Variants in HS3ST4 observed in about 807,000 individuals in gnomAD.
HS3ST4 encodes the protein heparan sulfate glucosamine 3-O-sulfotransferase 4.
HS3ST4 carries 17 observed loss-of-function variants against 29.2 expected under a neutral mutation model. The observed-to-expected ratio is 0.58, with a 90% CI of 0.40 to 0.87. The LOEUF (loss-of-function observed/expected upper bound fraction) is 0.87, where lower values mean the gene tolerates loss of function less well. HS3ST4 is among the 40% of genes least tolerant of loss of function. The pLI is 0.00. For synonymous variants in HS3ST4, 314 were observed against 285.7 expected (o/e 1.10, Z -1.00); for missense variants, 627 against 634.5 (o/e 0.99, Z 0.13).
intron 1 of HS3ST4, among the ~76,000 whole-genome samples, chr16:26,114,892 A>G (rs542590953): frequency 6.6e-6 from 1 of 152,210 alleles, no homozygotes; most frequent in East Asian, 1.9e-4. Context: ...TTAGGGAAAT[A>G]CTCAAGAAAA....
At chr16:25,990,967 GCAGTCAGC>G (rs1024446089) in intron 1 of HS3ST4, among the ~76,000 whole-genome samples, 9 of 152,230 alleles carry the variant, frequency 5.9e-5, no homozygotes, top group Admixed American at 2.6e-4. Flanking sequence ...TACAAAACCT[GCAGTCAGC>G]TCACCCCCAG....
chr16:25,834,666 C>G (rs554967367), intron 1 of HS3ST4, among the ~76,000 whole-genome samples: 4 of 152,174 alleles, frequency 2.6e-5, no homozygotes, highest in East Asian at 1.9e-4. Flanking sequence ...GAGGAGAAGG[C>G]CAGGCGTGGT....
chr16:26,136,680 A>G lies in HS3ST4; in HGVS notation c.*432A>G, dbSNP rs1011315388. ...TATCTGTCATGGGCACCTGCTGTCT[A>G]AACCTCTGCTTGGGCTTCTCCCCAG... On this transcript the variant is annotated 3_prime_UTR_variant, in exon 2 of 2. Transcript: ENST00000331351. 1 of 178,172 alleles carries G rather than the reference A, an allele frequency of 5.6e-6. No individual in the cohort carries two copies. The highest frequency in any genetic ancestry group is 1.2e-5 in the Non-Finnish European group (1 of 82,734). The allele number at this position is 178,172 out of a possible 1,614,324, so 11.0% of individuals were successfully genotyped here. A position where few individuals can be genotyped will look rare whatever the true frequency, so the allele number is the denominator to read the frequency against.
intron 1 of HS3ST4, among the ~76,000 whole-genome samples, chr16:25,856,578 C>T (rs1567256611): frequency 6.6e-6 from 1 of 151,952 alleles, no homozygotes. Flanking sequence ...CTTCCTGGGC[C>T]ACAATGGAAG....
chr16:25,818,542 CT>C (rs889739360), intron 1 of HS3ST4, among the ~76,000 whole-genome samples: 2 of 152,146 alleles, frequency 1.3e-5, no homozygotes, highest in African/African-American at 4.8e-5. Context: ...AAAACATCTT[CT>C]TTTTTGGCTT....
At chr16:26,024,628 A>G (rs924758829) in intron 1 of HS3ST4, among the ~76,000 whole-genome samples, 1 of 152,116 alleles carries the variant, frequency 6.6e-6, no homozygotes, top group African/African-American at 2.4e-5. Context: ...GCTACTCGGG[A>G]GGCTGAGGCA....
intron 1 of HS3ST4, among the ~76,000 whole-genome samples, chr16:25,998,258 G>A (rs890444681): frequency 3.3e-5 from 5 of 150,846 alleles, no homozygotes; most frequent in African/African-American, 1.2e-4. Flanking sequence ...TCCAGCCTGG[G>A]CAACAAAGCA....
chr16:25,939,982 G>T (rs1036855356), intron 1 of HS3ST4, among the ~76,000 whole-genome samples: 8 of 152,126 alleles, frequency 5.3e-5, no homozygotes, highest in Non-Finnish European at 1.2e-4. Context: ...TACGTGGGAT[G>T]GTAGGTAGGT....
At chr16:26,056,447 C>G (rs1898409240) in intron 1 of HS3ST4, among the ~76,000 whole-genome samples, 1 of 152,186 alleles carries the variant, frequency 6.6e-6, no homozygotes, top group African/African-American at 2.4e-5. Flanking sequence ...AGTCTCTGAG[C>G]TGAGGACTGG....
chr16:25,794,080 A>C (rs1238580261), intron 1 of HS3ST4, among the ~76,000 whole-genome samples: 1 of 151,798 alleles, frequency 6.6e-6, no homozygotes, highest in South Asian at 2.1e-4. Flanking sequence ...AATTTACGCT[A>C]TTTCTCTTCT....
chr16:25,890,627 A>G (rs1967998649), intron 1 of HS3ST4, among the ~76,000 whole-genome samples: 2 of 152,196 alleles, frequency 1.3e-5, no homozygotes, highest in African/African-American at 4.8e-5. Flanking sequence ...CATGGAATCT[A>G]TGATCTATCT....
intron 1 of HS3ST4, among the ~76,000 whole-genome samples, chr16:25,776,160 G>T (rs1036582789): frequency 1.3e-5 from 2 of 152,116 alleles, no homozygotes; most frequent in African/African-American, 4.8e-5. Flanking sequence ...TAGCAATGTA[G>T]GAACATGAGG....
At chr16:26,111,028 A>AT (rs910006775) in intron 1 of HS3ST4, among the ~76,000 whole-genome samples, 73 of 150,518 alleles carry the variant, frequency 4.8e-4, no homozygotes, top group African/African-American at 1.7e-3. Flanking sequence ...GGTACAATTT[A>AT]TTTTTTTTGT....
chr16:25,711,772 TCTC>T (rs1966417381), intron 1 of HS3ST4, among the ~76,000 whole-genome samples: 1 of 152,124 alleles, frequency 6.6e-6, no homozygotes, highest in Admixed American at 6.5e-5. Flanking sequence ...ACGAAGCCTT[TCTC>T]CTCGCTGTCT....
intron 1 of HS3ST4, among the ~76,000 whole-genome samples, chr16:25,923,103 C>T (rs1338593191): frequency 6.6e-6 from 1 of 152,198 alleles, no homozygotes; most frequent in Non-Finnish European, 1.5e-5. Flanking sequence ...GTTTTTATTA[C>T]TCTTGCTTCT....
chr16:25,970,054 C>T (rs1365002318), intron 1 of HS3ST4, among the ~76,000 whole-genome samples: 2 of 152,168 alleles, frequency 1.3e-5, no homozygotes, highest in African/African-American at 4.8e-5. Flanking sequence ...ATGGATAGTA[C>T]TGTTAGTGTC....
chr16:26,032,316 G>C (rs1213373744), intron 1 of HS3ST4, among the ~76,000 whole-genome samples: 1 of 151,946 alleles, frequency 6.6e-6, no homozygotes, highest in East Asian at 1.9e-4. Context: ...AACTAGAAGG[G>C]AAAGGTGTTT....
At chr16:25,828,186 T>TTC (rs1967239641) in intron 1 of HS3ST4, among the ~76,000 whole-genome samples, 1 of 145,660 alleles carries the variant, frequency 6.9e-6, no homozygotes, top group Non-Finnish European at 1.5e-5. Flanking sequence ...CTCTTTCTCT[T>TTC]TCTTTCTTTT....
At chr16:26,003,460 CCT>C (rs1311094615) in intron 1 of HS3ST4, among the ~76,000 whole-genome samples, 1 of 152,004 alleles carries the variant, frequency 6.6e-6, no homozygotes, top group African/African-American at 2.4e-5. Context: ...CACAAATCTG[CCT>C]CTCTCATATT....
Sources: allele counts gnomAD v4.1 joint callset (sites outside exome capture counted in the v4.1 genomes callset), GRCh38; gene constraint gnomAD v4.1.1; transcripts MANE v1.5; gene names NCBI Gene and HGNC (gene_info 2026-07-23, HGNC 2026-07-21).